Variants in WDR70 observed in about 807,000 individuals in gnomAD.
The protein encoded by WDR70 is WD repeat domain 70.
In WDR70, 53 loss-of-function variants were observed where a neutral mutation model predicts 88.6. That is an observed-to-expected ratio of 0.60 (90% confidence interval 0.48 to 0.75). The LOEUF is 0.75. WDR70 is among the 30% of genes least tolerant of loss of function. WDR70 has a pLI of 0.00. For missense variants in WDR70, 610 were observed against 823.2 expected (o/e 0.74, Z 3.17); for synonymous variants, 280 against 270.0 (o/e 1.04, Z -0.36).
intron 9 of WDR70, among the ~76,000 whole-genome samples, chr5:37,536,909 G>GATACTGGCCTCTTAAATGAAGA (rs1270204291): frequency 6.6e-6 from 1 of 151,980 alleles, no homozygotes; most frequent in Admixed American, 6.6e-5. Context: ...TTGGAACAGA[G>GATACTGGCCTCTTAAATGAAGA]ATACTGGCCT....
At chr5:37,749,507 A>G (rs1748736986) in intron 17 of WDR70, among the ~76,000 whole-genome samples, 1 of 152,148 alleles carries the variant, frequency 6.6e-6, no homozygotes, top group Admixed American at 6.5e-5. Context: ...TGGCACATGT[A>G]TACTGATGTA....
At chr5:37,448,739 G>T (rs1215694678) in intron 7 of WDR70, among the ~76,000 whole-genome samples, 8 of 150,846 alleles carry the variant, frequency 5.3e-5, no homozygotes, top group Non-Finnish European at 1.2e-4. Flanking sequence ...GGATTTCACT[G>T]TTTTTTTTTC....
intron 9 of WDR70, among the ~76,000 whole-genome samples, chr5:37,551,042 C>A (rs1476249596): frequency 6.6e-6 from 1 of 152,072 alleles, no homozygotes; most frequent in Non-Finnish European, 1.5e-5. Flanking sequence ...CAGTGGCTCA[C>A]GCCTGTAATC....
chr5:37,586,712 C>G (rs983325151), intron 9 of WDR70, among the ~76,000 whole-genome samples: 1 of 152,092 alleles, frequency 6.6e-6, no homozygotes, highest in African/African-American at 2.4e-5. Context: ...TCCCTCTCCT[C>G]GTATCCCTTT....
At chr5:37,742,770 G>A (rs1281506263) in intron 17 of WDR70, among the ~76,000 whole-genome samples, 1 of 152,164 alleles carries the variant, frequency 6.6e-6, no homozygotes, top group African/African-American at 2.4e-5. Context: ...TTCTAACTTT[G>A]TTGTATGTGG....
intron 5 of WDR70, among the ~76,000 whole-genome samples, chr5:37,404,629 C>A (rs1010176660): frequency 2.0e-5 from 3 of 152,092 alleles, no homozygotes; most frequent in Non-Finnish European, 4.4e-5. Context: ...CCTATTAAAT[C>A]ATAATCATAT....
intron 2 of WDR70, among the ~76,000 whole-genome samples, chr5:37,380,502 C>T (rs1748393404): frequency 6.6e-6 from 1 of 151,950 alleles, no homozygotes; most frequent in South Asian, 2.1e-4. Flanking sequence ...CCTCGCCCGG[C>T]TGATTTTTTT....
Position 37,633,752 on chromosome 5 carries a change from T to C in WDR70, c.1092+28514T>C, listed in dbSNP as rs528218734. 1.0e-4 allele frequency among the ~76,000 whole-genome samples: 15 copies of C among 148,572 alleles called. No homozygotes were observed. In the South Asian group the frequency reaches 1.3e-3, roughly 13 times the overall value. On this transcript the variant is annotated intron_variant, in intron 10 of 17. Coordinates refer to ENST00000265107, the MANE Select transcript of WDR70 (RefSeq NM_018034.4). ...ATACATGATAGGCATTATTTTTATA[T>C]TGATAAATTAAGAATACTTTGGTTA...
At chr5:37,563,367 T>A (rs1742595471) in intron 9 of WDR70, among the ~76,000 whole-genome samples, 1 of 48,222 alleles carries the variant, frequency 2.1e-5, no homozygotes, top group South Asian at 1.1e-3. Context: ...CTCTTCCCAG[T>A]AGGGGCGGCC....
chr5:37,506,125 A>G, intron 8 of WDR70: 1 of 1,133,652 alleles, frequency 8.8e-7, no homozygotes, highest in Non-Finnish European at 1.3e-6. Flanking sequence ...CAGCGGCTTA[A>G]ATTGGCCATT....
Position 37,548,133 on chromosome 5 carries a change from T to C in WDR70, c.917+31543T>C, listed in dbSNP as rs1742046276. Among the ~76,000 whole-genome samples, 6 of 152,180 alleles carry C rather than the reference T, an allele frequency of 3.9e-5. No individual in the cohort carries two copies. In the South Asian group the frequency reaches 1.2e-3, roughly 32 times the overall value. On this transcript the variant is annotated intron_variant, in intron 9 of 17. Coordinates refer to ENST00000265107, the MANE Select transcript of WDR70 (RefSeq NM_018034.4). ...GGGAGTGCAGAAAGCTCTTTGATATTCTGATTTCCTTTCTTTTGGGTATGT... is the reference window on the plus strand; with the variant it reads ...GGGAGTGCAGAAAGCTCTTTGATATCCTGATTTCCTTTCTTTTGGGTATGT...
intron 9 of WDR70, among the ~76,000 whole-genome samples, chr5:37,554,471 A>G (rs1212270144): frequency 1.3e-5 from 2 of 152,180 alleles, no homozygotes; most frequent in Admixed American, 1.3e-4. Context: ...AGGTTGAAAG[A>G]TGAATGGAAG....
intron 10 of WDR70, among the ~76,000 whole-genome samples, chr5:37,642,632 C>G (rs1425553332): frequency 6.6e-6 from 1 of 152,144 alleles, no homozygotes. Flanking sequence ...TGAGTGTTCT[C>G]TTTTCTCCAC....
chr5:37,515,147 A>T (rs1740848077), intron 8 of WDR70, among the ~76,000 whole-genome samples: 1 of 152,178 alleles, frequency 6.6e-6, no homozygotes, highest in Non-Finnish European at 1.5e-5. Flanking sequence ...GAGAAAAGTG[A>T]ATAGATTTTA....
chr5:37,596,494 C>T (rs1743704075), intron 9 of WDR70, among the ~76,000 whole-genome samples: 1 of 152,124 alleles, frequency 6.6e-6, no homozygotes, highest in East Asian at 1.9e-4. Flanking sequence ...GAAGAAGTCT[C>T]CGAAAGAAGG....
chr5:37,600,269 T>C (rs770340155), intron 9 of WDR70, among the ~76,000 whole-genome samples: 1 of 152,168 alleles, frequency 6.6e-6, no homozygotes, highest in African/African-American at 2.4e-5. Context: ...GGCTCACTCC[T>C]GTAATCCCAG....
Position 37,568,978 on chromosome 5 carries a change from T to C in WDR70, c.918-36086T>C, listed in dbSNP as rs1332951883. Among the ~76,000 whole-genome samples, 4 of 152,262 alleles carry C rather than the reference T, an allele frequency of 2.6e-5. No individual in the cohort carries two copies. In the East Asian group the frequency reaches 7.7e-4, roughly 29 times the overall value. ...TACATGAGAATAGGTTGAGCTAGCCTGCTGGATATGTTCTCACCAGTCACC... is the reference window on the plus strand; with the variant it reads ...TACATGAGAATAGGTTGAGCTAGCCCGCTGGATATGTTCTCACCAGTCACC... On this transcript the variant is annotated intron_variant, in intron 9 of 17. Coordinates refer to ENST00000265107, the MANE Select transcript of WDR70 (RefSeq NM_018034.4).
intron 9 of WDR70, among the ~76,000 whole-genome samples, chr5:37,526,822 C>T (rs1403682995): frequency 6.6e-6 from 1 of 152,198 alleles, no homozygotes; most frequent in East Asian, 1.9e-4. Flanking sequence ...AAATCACAAG[C>T]ATTCTTATAC....
intron 5 of WDR70, among the ~76,000 whole-genome samples, chr5:37,411,775 A>G (rs1054621811): frequency 1.3e-5 from 2 of 152,140 alleles, no homozygotes; most frequent in African/African-American, 2.4e-5. Flanking sequence ...CAAAATTACC[A>G]GAGTACTTAC....
Sources: allele counts gnomAD v4.1 joint callset (sites outside exome capture counted in the v4.1 genomes callset), GRCh38; gene constraint gnomAD v4.1.1; transcripts MANE v1.5; gene names NCBI Gene and HGNC (gene_info 2026-07-23, HGNC 2026-07-21).